The following SRSF4 variants were observed in gnomAD, a reference collection of about 807,000 sequenced individuals.
SRSF4 encodes the protein serine and arginine rich splicing factor 4, also known as serine/arginine-rich splicing factor 4.
SRSF4 carries 12 observed loss-of-function variants against 48.8 expected under a neutral mutation model. The observed-to-expected ratio is 0.25, with a 90% CI of 0.16 to 0.40. The LOEUF is 0.40. Ranked by LOEUF, SRSF4 falls within the 10% of genes least tolerant of loss-of-function variation. The pLI is 1.00. For synonymous variants in SRSF4, 248 were observed against 232.5 expected (o/e 1.07, Z -0.61); for missense variants, 466 against 667.1 (o/e 0.70, Z 3.32).
At chr1:29,174,306 G>A (rs571582605) in intron 1 of SRSF4, among the ~76,000 whole-genome samples, 238 of 152,298 alleles carry the variant, frequency 1.6e-3, no homozygotes, top group Non-Finnish European at 2.6e-3. Flanking sequence ...ATTAAAATGT[G>A]TATATGCTTT....
chr1:29,173,964 G>A (rs999290180), intron 1 of SRSF4, among the ~76,000 whole-genome samples: 1 of 151,556 alleles, frequency 6.6e-6, no homozygotes, highest in African/African-American at 2.4e-5. Context: ...TGAGGTGGGC[G>A]GATCACCTGA....
intron 1 of SRSF4, among the ~76,000 whole-genome samples, chr1:29,165,416 C>G (rs1332372613): frequency 6.6e-6 from 1 of 152,208 alleles, no homozygotes; most frequent in Non-Finnish European, 1.5e-5. Context: ...AAGACTTCAA[C>G]TTTTGAAATG....
chr1:29,148,102 G>C lies in SRSF4; in HGVS notation c.*308C>G, dbSNP rs577432470. On this transcript the variant is annotated 3_prime_UTR_variant, in exon 6 of 6. Coordinates refer to ENST00000373795, the MANE Select transcript of SRSF4 (RefSeq NM_005626.5). ...TACCTATGTGGTCATTCCAGCCTTA[G>C]AGCCGTCCAGGTTACTGAGCTCCCT... 4 of 542,866 alleles carry C rather than the reference G, an allele frequency of 7.4e-6. No individual in the cohort carries two copies. The highest frequency in any genetic ancestry group is 1.4e-5 in the Non-Finnish European group (4 of 284,272). The allele number at this position is 542,866 out of a possible 1,614,324, so 33.6% of individuals were successfully genotyped here. A position where few individuals can be genotyped will look rare whatever the true frequency, so the allele number is the denominator to read the frequency against.
chr1:29,168,054 C>T (rs1039188532), intron 1 of SRSF4, among the ~76,000 whole-genome samples: 1 of 148,056 alleles, frequency 6.8e-6, no homozygotes, highest in Admixed American at 6.8e-5. Context: ...CTCGCTCTGT[C>T]GCGCAGGCTG....
At chr1:29,173,842 T>C (rs753220396) in intron 1 of SRSF4, among the ~76,000 whole-genome samples, 13 of 152,016 alleles carry the variant, frequency 8.6e-5, no homozygotes, top group Non-Finnish European at 1.6e-4. Flanking sequence ...TCTAAACATT[T>C]TAATTAGAAA....
chr1:29,155,545 T>G (rs1672487884), intron 3 of SRSF4, among the ~76,000 whole-genome samples: 1 of 152,028 alleles, frequency 6.6e-6, no homozygotes, highest in African/African-American at 2.4e-5. Flanking sequence ...GCAGCTGGAG[T>G]GCAGTGATGT....
Position 29,156,761 on chromosome 1 carries a change from G to A in SRSF4, c.364-1851C>T, listed in dbSNP as rs528107139. Among the ~76,000 whole-genome samples the A allele has an allele frequency of 2.6e-5, 4 of 152,288 alleles. No homozygotes were observed. In the East Asian group the frequency reaches 7.7e-4, roughly 29 times the overall value. Reference sequence around the variant, plus strand: ...GGGACCAGCCTCAACACCACCCGTAGGGTACCCAAAGTCTGGTGGCGACGA... The same window carrying A: ...GGGACCAGCCTCAACACCACCCGTAAGGTACCCAAAGTCTGGTGGCGACGA... On this transcript the variant is annotated intron_variant, in intron 3 of 5. Transcript: ENST00000373795.
At chr1:29,159,599 C>A in intron 2 of SRSF4, 113 bp from the exon 3 acceptor site, 3 of 562,034 alleles carry the variant, frequency 5.3e-6, no homozygotes, top group Non-Finnish European at 9.2e-6. Flanking sequence ...AACAATAGCA[C>A]GTTTTAACTC....
intron 1 of SRSF4, among the ~76,000 whole-genome samples, chr1:29,163,457 A>T (rs979879763): frequency 6.6e-6 from 1 of 152,244 alleles, no homozygotes; most frequent in African/African-American, 2.4e-5. Flanking sequence ...CGCATACAAC[A>T]AACCATATCT....
At chr1:29,173,808 C>T (rs1388706925) in intron 1 of SRSF4, among the ~76,000 whole-genome samples, 1 of 151,634 alleles carries the variant, frequency 6.6e-6, no homozygotes, top group Non-Finnish European at 1.5e-5. Context: ...TTAAAGGCTG[C>T]CAAATGATTT....
intron 3 of SRSF4, among the ~76,000 whole-genome samples, chr1:29,156,333 A>G (rs1456215590): frequency 2.0e-5 from 3 of 148,874 alleles, no homozygotes. Flanking sequence ...AGCCCAGGCG[A>G]CAGAGCAAGA....
intron 1 of SRSF4, among the ~76,000 whole-genome samples, chr1:29,175,405 A>G (rs909469391): frequency 6.6e-6 from 1 of 151,312 alleles, no homozygotes; most frequent in Non-Finnish European, 1.5e-5. Context: ...CATCTCAAAA[A>G]AAATTTCCGG....
At chr1:29,157,714 T>C (rs140586507) in intron 3 of SRSF4, among the ~76,000 whole-genome samples, 1 of 152,270 alleles carries the variant, frequency 6.6e-6, no homozygotes, top group African/African-American at 2.4e-5. Flanking sequence ...TGAACCTAAA[T>C]ACACTTCACT....
At chr1:29,161,447 A>T (rs1160041800) in intron 1 of SRSF4, among the ~76,000 whole-genome samples, 2 of 152,180 alleles carry the variant, frequency 1.3e-5, no homozygotes, top group Admixed American at 6.5e-5. Flanking sequence ...AGTTACAAGC[A>T]ATTTCTTTAA....
intron 1 of SRSF4, among the ~76,000 whole-genome samples, chr1:29,165,636 G>C (rs909866787): frequency 2.0e-5 from 3 of 152,200 alleles, no homozygotes; most frequent in Non-Finnish European, 2.9e-5. Context: ...TGAACAGGGA[G>C]ACTAAGTCCT....
chr1:29,160,102 C>CA (rs1464885010), intron 2 of SRSF4: 1 of 336,098 alleles, frequency 3.0e-6, no homozygotes, highest in Non-Finnish European at 5.3e-6. Context: ...CTATGTTAAA[C>CA]AATTGCATTA....
intron 1 of SRSF4, among the ~76,000 whole-genome samples, chr1:29,161,875 G>A (rs1292995412): frequency 1.3e-5 from 2 of 152,236 alleles, no homozygotes; most frequent in Admixed American, 1.3e-4. Flanking sequence ...TTATAGGCGT[G>A]AGCCACTGCG....
In SRSF4 at chr1:29,159,449, A is replaced by AT; in HGVS notation, c.287dup (p.Tyr96Ter). The change falls in exon 3 of 6, where the codon TAT (tyrosine) becomes TAAT (stop). Residue 96 changes from tyrosine to a stop codon, truncating the protein, a stop_gained and frameshift_variant. Transcript: ENST00000373795. LOFTEE classifies it high-confidence loss of function. ...YGYRRSGRDK[Y>*]GPPTRTEYRL... ...TGTACTCTGTGCGAGTAGGAGGGCC[A>AT]TATTTATCTCGGCCACTTCTTCTAT... The AT allele has an allele frequency of 6.2e-7, 1 of 1,614,050 alleles. No homozygotes were observed. The highest frequency in any genetic ancestry group is 8.5e-7 in the Non-Finnish European group (1 of 1,179,956).
chr1:29,177,334 T>C (rs1672885243), intron 1 of SRSF4, among the ~76,000 whole-genome samples: 1 of 148,862 alleles, frequency 6.7e-6, no homozygotes, highest in South Asian at 2.1e-4. Context: ...CAGGCTGGAG[T>C]GCAATGGCAG....
Sources: gnomAD v4.1 joint callset for allele counts (sites outside exome capture counted in the v4.1 genomes callset) on GRCh38, gnomAD v4.1.1 for gene constraint, MANE v1.5 for transcripts, NCBI Gene and HGNC (gene_info 2026-07-23, HGNC 2026-07-21) for gene names.